The following FAM184B variants were observed in gnomAD, a reference collection of about 807,000 sequenced individuals.
FAM184B encodes protein FAM184B.
In FAM184B, 111 loss-of-function variants were observed where a neutral mutation model predicts 135.9. The observed-to-expected ratio is 0.82, with a 90% CI of 0.70 to 0.96. The LOEUF is 0.96. Ranked by LOEUF, FAM184B falls within the 40% of genes least tolerant of loss-of-function variation. The pLI is 0.00. For synonymous variants in FAM184B, 552 were observed against 524.8 expected (o/e 1.05, Z -0.71); for missense variants, 1,375 against 1,323.9 (o/e 1.04, Z -0.60).
At chr4:17,639,454 G>T (rs1577241590) in intron 13 of FAM184B, 58 bp from the exon 14 acceptor site, 4 of 1,536,778 alleles carry the variant, frequency 2.6e-6, no homozygotes, top group Middle Eastern at 2.0e-4. Context: ...CACCCCTTGG[G>T]CTCTGGGGTT....
intron 1 of FAM184B, among the ~76,000 whole-genome samples, chr4:17,733,326 G>C (rs1420122628): frequency 6.6e-6 from 1 of 152,200 alleles, no homozygotes; most frequent in Non-Finnish European, 1.5e-5. Flanking sequence ...AGTGTTGGAA[G>C]TTCTGGCCAC....
Position 17,672,324 on chromosome 4 carries a change from G to C in FAM184B, c.1597-7665C>G, listed in dbSNP as rs572860153. 8.1e-4 allele frequency among the ~76,000 whole-genome samples: 124 copies of C among 152,226 alleles called. 1 individual carries two copies. The highest frequency in any genetic ancestry group is 2.9e-3 in the African/African-American group (121 of 41,548). ...CTCCTTCAAAAATAAAAGAAAGTTT[G>C]ACTTCCTCTTGACTGATTTGGATGC... On this transcript the variant is annotated intron_variant, in intron 7 of 17. Coordinates refer to ENST00000265018, the MANE Select transcript of FAM184B (RefSeq NM_015688.2).
At chr4:17,695,100 C>G (rs1468530026) in intron 5 of FAM184B, among the ~76,000 whole-genome samples, 1 of 151,912 alleles carries the variant, frequency 6.6e-6, no homozygotes, top group Admixed American at 6.6e-5. Flanking sequence ...GTAAGACTAA[C>G]CAGTGAGGAG....
intron 1 of FAM184B, among the ~76,000 whole-genome samples, chr4:17,751,934 C>T (rs368917811): frequency 6.8e-6 from 1 of 146,784 alleles, no homozygotes; most frequent in East Asian, 2.0e-4. Context: ...GTTCAGGAAC[C>T]CACGGAATAA....
chr4:17,735,915 T>A (rs1717897748), intron 1 of FAM184B, among the ~76,000 whole-genome samples: 1 of 152,192 alleles, frequency 6.6e-6, no homozygotes, highest in Non-Finnish European at 1.5e-5. Flanking sequence ...GATGGGTGAC[T>A]GTTCATAGTT....
At chr4:17,680,184 A>G (rs1170678960) in intron 7 of FAM184B, among the ~76,000 whole-genome samples, 2 of 152,242 alleles carry the variant, frequency 1.3e-5, no homozygotes, top group African/African-American at 2.4e-5. Context: ...GAGCCATTCC[A>G]CAATGTATAG....
In FAM184B at chr4:17,781,390, G is replaced by A. The variant is rs1719030832; in HGVS notation, c.-91C>T. 2.2e-6 allele frequency: 3 copies of A among 1,385,540 alleles called. No homozygotes were observed. Among genetic ancestry groups the A allele is most frequent in the Admixed American group, 3.1e-5 (1 of 32,526 alleles). 85.8% of individuals were successfully genotyped at this position (1,385,540 alleles called of 1,614,324 possible). A position where few individuals can be genotyped will look rare whatever the true frequency, so the allele number is the denominator to read the frequency against. ...CGCGCGCGGGCGTGCGAGCGTGTGG[G>A]TTTCTCGGGAGAGGTGGCACTGCAG... On this transcript the variant is annotated 5_prime_UTR_variant, in exon 1 of 18. Coordinates refer to ENST00000265018, the MANE Select transcript of FAM184B (RefSeq NM_015688.2). This position sits in a 1 kb window ranked among gnomAD's most constrained non-coding sequence, Gnocchi z 6.5.
intron 5 of FAM184B, among the ~76,000 whole-genome samples, chr4:17,698,938 G>A (rs1019212330): frequency 2.6e-5 from 4 of 152,126 alleles, no homozygotes; most frequent in African/African-American, 9.6e-5. Flanking sequence ...AGAAAAATGT[G>A]TCTCATAAAG....
chr4:17,754,186 A>T (rs1718368324), intron 1 of FAM184B, among the ~76,000 whole-genome samples: 1 of 152,204 alleles, frequency 6.6e-6, no homozygotes, highest in Admixed American at 6.5e-5. Flanking sequence ...TTCTATTTAC[A>T]ATAGCAGCAA....
intron 7 of FAM184B, among the ~76,000 whole-genome samples, chr4:17,665,534 C>T (rs544157864): frequency 5.3e-5 from 8 of 152,258 alleles, no homozygotes; most frequent in African/African-American, 1.7e-4. Flanking sequence ...CCAGCTTCTT[C>T]CCTTTTTTGG....
intron 13 of FAM184B, among the ~76,000 whole-genome samples, chr4:17,641,399 T>G (rs1312386279): frequency 6.6e-6 from 1 of 151,436 alleles, no homozygotes; most frequent in Non-Finnish European, 1.5e-5. Flanking sequence ...TTGATGACAC[T>G]TTTGGTCCAA....
chr4:17,668,154 G>T (rs1186872639), intron 7 of FAM184B, among the ~76,000 whole-genome samples: 6 of 152,198 alleles, frequency 3.9e-5, no homozygotes, highest in African/African-American at 1.4e-4. Flanking sequence ...AGCCTTGTGG[G>T]CTGCAGTTCG....
In FAM184B at chr4:17,705,756, A is replaced by G. The variant is rs764939634; in HGVS notation, c.1166T>C (p.Met389Thr). The change falls in exon 4 of 18, where the codon ATG becomes ACG. Residue 389 changes from methionine (M) to threonine (T), a missense_variant. By Grantham distance (81) the Met-to-Thr change is moderately conservative. Coordinates refer to ENST00000265018, the MANE Select transcript of FAM184B (RefSeq NM_015688.2). ...CAGGGCTGGGTCAGACACTACCTGC[A>G]TATCTGTGCCTCCTTTCATGCAAGG... is the stretch of plus-strand genomic sequence containing the variant. ...ECPCMKGGTD[M>T]QTKKEASAET... is the part of the protein sequence containing the mutation. 2 of 1,551,722 alleles carry G rather than the reference A, an allele frequency of 1.3e-6. No homozygotes were observed. The highest frequency in any genetic ancestry group is 1.2e-5 in the South Asian group (1 of 84,058).
intron 8 of FAM184B, among the ~76,000 whole-genome samples, chr4:17,663,615 A>AACACAC (rs113627829): frequency 2.7e-5 from 4 of 150,546 alleles, no homozygotes; most frequent in African/African-American, 9.8e-5. Context: ...TCCCATTCAC[A>AACACAC]ACACACACAC....
At position 17,709,311 on chromosome 4, in the gene FAM184B, C is replaced by T. The variant is rs764357829; in HGVS notation, c.475G>A (p.Glu159Lys). 6.5e-7 allele frequency: 1 copy of T among 1,550,082 alleles called. No homozygotes were observed. The highest frequency in any genetic ancestry group is 8.7e-7 in the Non-Finnish European group (1 of 1,146,256). Residue 159 changes from glutamate (E) to lysine (K), a missense_variant, in exon 2 of 18, where the codon GAG (glutamate) becomes AAG (lysine). Coordinates refer to ENST00000265018, the MANE Select transcript of FAM184B (RefSeq NM_015688.2). ...REMLELKADY[E>K]RRLQHLTSHE... ...CTCGTCAGGTGCTGGAGCCTCCTCT[C>T]GTAGTCAGCCTTGAGCTCCAGCATT... is the stretch of plus-strand genomic sequence containing the variant.
At chr4:17,653,020 G>A (rs1270028283) in intron 10 of FAM184B, 37 bp from the exon 11 acceptor site, 3 of 1,548,424 alleles carry the variant, frequency 1.9e-6, no homozygotes, top group South Asian at 1.2e-5. Context: ...GCATGAAAGT[G>A]GGCATGAGGG....
chr4:17,638,045 T>A (rs1209823111), intron 14 of FAM184B, among the ~76,000 whole-genome samples: 1 of 148,992 alleles, frequency 6.7e-6, no homozygotes, highest in Non-Finnish European at 1.5e-5. Flanking sequence ...AAACATCACC[T>A]CCTCACAGAG....
intron 11 of FAM184B, among the ~76,000 whole-genome samples, chr4:17,648,519 A>ATTT (rs5856440): frequency 1.4e-5 from 2 of 144,382 alleles, no homozygotes; most frequent in African/African-American, 5.2e-5. Flanking sequence ...TAATTTTTGT[A>ATTT]TTTTTTTTTT....
At chr4:17,643,912 A>G (rs754905490) in intron 12 of FAM184B, among the ~76,000 whole-genome samples, 2 of 152,204 alleles carry the variant, frequency 1.3e-5, no homozygotes, top group African/African-American at 2.4e-5. Flanking sequence ...AAGGACATCT[A>G]TGAAATGGCA....
Sources: allele counts gnomAD v4.1 joint callset (sites outside exome capture counted in the v4.1 genomes callset), GRCh38; gene constraint gnomAD v4.1.1; non-coding constraint Gnocchi (gnomAD v3.1); transcripts MANE v1.5; gene names NCBI Gene and HGNC (gene_info 2026-07-23, HGNC 2026-07-21).